HAPLN1: variants seen among roughly 807,000 people sequenced by gnomAD.
The protein encoded by HAPLN1 is Cartilage link protein.
HAPLN1 carries 13 observed loss-of-function variants against 36.5 expected under a neutral mutation model. The observed-to-expected ratio is 0.36, with a 90% CI of 0.23 to 0.57. The LOEUF is 0.57. Ranked by LOEUF, HAPLN1 falls within the 20% of genes least tolerant of loss-of-function variation. HAPLN1 has a pLI of 0.83. For missense variants in HAPLN1, 407 were observed against 439.7 expected (o/e 0.93, Z 0.66); for synonymous variants, 202 against 169.8 (o/e 1.19, Z -1.48).
chr5:83,717,812 T>C (rs950550594), intron 1 of HAPLN1, among the ~76,000 whole-genome samples: 2 of 152,198 alleles, frequency 1.3e-5, no homozygotes, highest in Non-Finnish European at 2.9e-5. Flanking sequence ...GATGAAGTTG[T>C]TTTACATGCT....
chr5:83,698,488 T>A (rs563622350), intron 1 of HAPLN1, among the ~76,000 whole-genome samples: 107 of 152,306 alleles, frequency 7.0e-4, no homozygotes, highest in Middle Eastern at 3.4e-3. Context: ...TTTTTATGTC[T>A]AGAATTAATG....
At chr5:83,671,097 C>T (rs1376507731) in intron 2 of HAPLN1, among the ~76,000 whole-genome samples, 1 of 152,034 alleles carries the variant, frequency 6.6e-6, no homozygotes, top group African/African-American at 2.4e-5. Context: ...TTCAGAAAAA[C>T]AATTAGCTAA....
intron 2 of HAPLN1, among the ~76,000 whole-genome samples, chr5:83,667,524 G>A (rs894552945): frequency 6.6e-6 from 1 of 151,856 alleles, no homozygotes; most frequent in Non-Finnish European, 1.5e-5. Flanking sequence ...ATTTTTCCTG[G>A]TATTTGTAGA....
rs1398923110 is a variant in HAPLN1 at position 83,652,543 on chromosome 5, C to A, written c.382G>T (p.Asp128Tyr). ...CTCCCATAATCTTCCAGAGTGAGGT[C>A]TGTGATGACCAGAGAAGCATCACTA... ...SDSDASLVIT[D>Y]LTLEDYGRYK... The change falls in exon 3 of 5, where the codon GAC (aspartate) becomes TAC (tyrosine). Residue 128 changes from aspartate (D) to tyrosine (Y), a missense_variant. Transcript: ENST00000274341. 1 of 1,614,128 alleles carries A rather than the reference C, an allele frequency of 6.2e-7. No individual in the cohort carries two copies. The highest frequency in any genetic ancestry group is 1.7e-5 in the Admixed American group (1 of 60,024).
At chr5:83,706,104 GAAA>G (rs200981513) in intron 1 of HAPLN1, among the ~76,000 whole-genome samples, 1 of 126,662 alleles carries the variant, frequency 7.9e-6, no homozygotes, top group Non-Finnish European at 1.7e-5. Flanking sequence ...CCTACCAATC[GAAA>G]AAAAAAAAAA....
At chr5:83,694,027 A>G (rs894416324) in intron 1 of HAPLN1, among the ~76,000 whole-genome samples, 2 of 152,008 alleles carry the variant, frequency 1.3e-5, no homozygotes, top group African/African-American at 4.8e-5. Context: ...ACCACTTACC[A>G]AGATAAACTA....
At chr5:83,661,875 G>A (rs963981545) in intron 2 of HAPLN1, among the ~76,000 whole-genome samples, 5 of 152,174 alleles carry the variant, frequency 3.3e-5, no homozygotes, top group Admixed American at 2.0e-4. Context: ...TGCAAAAGAT[G>A]CCATGAAAAG....
Position 83,644,563 on chromosome 5 carries a change from T to G in HAPLN1, c.575A>C (p.Asp192Ala). The change falls in exon 4 of 5, where the codon GAC (aspartate) becomes GCC (alanine). Residue 192 changes from aspartate to alanine, a missense_variant. Coordinates refer to ENST00000274341, the MANE Select transcript of HAPLN1 (RefSeq NM_001884.4). Reference protein sequence around the residue: ...LDQDAVIASFDQLYDAWRGGL... With the variant: ...LDQDAVIASFAQLYDAWRGGL... ...GCCCCGCCAGGCGTCGTACAGCTGG[T>G]CGAAGGAGGCGATCACAGCATCCTG... 1 of 1,598,708 alleles carries G rather than the reference T, an allele frequency of 6.3e-7. No individual in the cohort carries two copies. The highest frequency in any genetic ancestry group is 1.1e-5 in the South Asian group (1 of 88,642).
At chr5:83,681,900 G>A (rs147554487) in intron 1 of HAPLN1, among the ~76,000 whole-genome samples, 1 of 152,232 alleles carries the variant, frequency 6.6e-6, no homozygotes, top group East Asian at 1.9e-4. Flanking sequence ...AGACTCTTGT[G>A]CTCATATGCA....
In HAPLN1 at chr5:83,644,298, G is replaced by A. The variant is rs57221860; in HGVS notation, c.775+65C>T. ...CTAAGAAGATAAGATTAAAAGCCAAGTGTAGTGTTATAGTATGGAATAGTC... is the reference window on the plus strand; with the variant it reads ...CTAAGAAGATAAGATTAAAAGCCAAATGTAGTGTTATAGTATGGAATAGTC... On this transcript the variant is annotated intron_variant, in intron 4 of 4. Transcript: ENST00000274341. 2,917 of 1,158,312 alleles carry A rather than the reference G, an allele frequency of 2.5e-3. 53 individuals are homozygous for A. In the African/African-American group the frequency reaches 0.043, roughly 17 times the overall value. The allele number at this position is 1,158,312 out of a possible 1,614,324, so 71.8% of individuals were successfully genotyped here. A position where few individuals can be genotyped will look rare whatever the true frequency, so the allele number is the denominator to read the frequency against.
chr5:83,655,192 C>T (rs1750178388), intron 2 of HAPLN1, among the ~76,000 whole-genome samples: 1 of 152,128 alleles, frequency 6.6e-6, no homozygotes, highest in African/African-American at 2.4e-5. Flanking sequence ...TTAGTTTAAT[C>T]ATAAACTGTT....
At position 83,640,109 on chromosome 5, in the gene HAPLN1, C is replaced by T. The variant is rs1320557053; in HGVS notation, c.*1387G>A. ...ATAGTAAATCCCATTTATTAGAACTCATTGTGAAACAATGGGAAACCATGA... is the reference window on the plus strand; with the variant it reads ...ATAGTAAATCCCATTTATTAGAACTTATTGTGAAACAATGGGAAACCATGA... On this transcript the variant is annotated 3_prime_UTR_variant, in exon 5 of 5. Transcript: ENST00000274341. 1.3e-5 allele frequency: 2 copies of T among 152,092 alleles called. No individual in the cohort carries two copies. Among genetic ancestry groups the T allele is most frequent in the Non-Finnish European group, 2.9e-5 (2 of 67,976 alleles). The allele number at this position is 152,092 out of a possible 1,614,324, so 9.4% of individuals were successfully genotyped here. A position where few individuals can be genotyped will look rare whatever the true frequency, so the allele number is the denominator to read the frequency against.
intron 1 of HAPLN1, chr5:83,674,126 C>G (rs1290894279): frequency 6.5e-6 from 1 of 152,874 alleles, no homozygotes; most frequent in African/African-American, 2.4e-5. Flanking sequence ...GTTACAGATT[C>G]ACTTACCATC....
intron 2 of HAPLN1, among the ~76,000 whole-genome samples, chr5:83,662,494 T>C (rs1487022674): frequency 6.6e-6 from 1 of 152,170 alleles, no homozygotes; most frequent in African/African-American, 2.4e-5. Context: ...GTTTTAGACC[T>C]AGAAAACACA....
Position 83,652,838 on chromosome 5 carries a change from G to T in HAPLN1, c.101-14C>A. 6.6e-7 allele frequency: 1 copy of T among 1,507,380 alleles called. No homozygotes were observed. The highest frequency in any genetic ancestry group is 8.9e-7 in the Non-Finnish European group (1 of 1,127,976). 93.4% of individuals were successfully genotyped at this position (1,507,380 alleles called of 1,614,324 possible). ...GGCCATTTTCTGCTATAATTAAAAA[G>T]GAAAAAAAAAAGAAAATAACTATTA... is the stretch of plus-strand genomic sequence containing the variant. On this transcript the variant is annotated splice_polypyrimidine_tract_variant and intron_variant, in intron 2 of 4. Coordinates refer to ENST00000274341, the MANE Select transcript of HAPLN1 (RefSeq NM_001884.4).
chr5:83,658,479 C>T (rs1310085664), intron 2 of HAPLN1, among the ~76,000 whole-genome samples: 1 of 152,158 alleles, frequency 6.6e-6, no homozygotes, highest in African/African-American at 2.4e-5. Flanking sequence ...AAAATGAAAA[C>T]ACTTTATAAA....
intron 2 of HAPLN1, among the ~76,000 whole-genome samples, chr5:83,659,302 C>T (rs1750314401): frequency 6.6e-6 from 1 of 151,896 alleles, no homozygotes; most frequent in African/African-American, 2.4e-5. Context: ...GAATTTTTCT[C>T]TGGCACATCT....
chr5:83,645,750 C>A (rs1432155561), intron 3 of HAPLN1, among the ~76,000 whole-genome samples: 3 of 151,300 alleles, frequency 2.0e-5, no homozygotes, highest in Admixed American at 2.0e-4. Flanking sequence ...TATTTTTTTT[C>A]CCTGCCCTTA....
intron 1 of HAPLN1, among the ~76,000 whole-genome samples, chr5:83,706,460 A>G (rs1751654479): frequency 6.6e-6 from 1 of 152,232 alleles, no homozygotes; most frequent in East Asian, 1.9e-4. Context: ...CATCACATAA[A>G]CAGAACTAAA....
Sources: allele counts gnomAD v4.1 joint callset (sites outside exome capture counted in the v4.1 genomes callset), GRCh38; gene constraint gnomAD v4.1.1; transcripts MANE v1.5; gene names NCBI Gene and HGNC (gene_info 2026-07-23, HGNC 2026-07-21).